NTM: variants seen among roughly 807,000 people sequenced by gnomAD.
The protein encoded by NTM is neurotrimin, also known as IgLON family member 2.
A neutral mutation model predicts 42.1 loss-of-function variants in NTM; 13 were observed. The ratio of observed to expected loss-of-function variants is 0.31; its 90% CI spans 0.20 to 0.49. NTM has a LOEUF of 0.49. Ranked by LOEUF, NTM falls within the 20% of genes least tolerant of loss-of-function variation. The pLI is 0.99. For synonymous variants in NTM, 187 were observed against 179.2 expected, an observed-to-expected ratio of 1.04 and a Z score of -0.35; for missense variants, 373 against 452.8, an observed-to-expected ratio of 0.82 and a Z score of 1.60.
At chr11:132,328,167 G>A (rs2095722884) in intron 7 of NTM, among the ~76,000 whole-genome samples, 1 of 152,142 alleles carries the variant, frequency 6.6e-6, no homozygotes, top group South Asian at 2.1e-4. Context: ...CTTCTCCTTA[G>A]TACCAAAGCA....
chr11:131,682,772 C>T (rs543215571), intron 1 of NTM, among the ~76,000 whole-genome samples: 1 of 152,312 alleles, frequency 6.6e-6, no homozygotes, highest in South Asian at 2.1e-4. Context: ...AATCAGCTCC[C>T]TCTCGGTGCT....
Position 132,320,849 on chromosome 11 carries a change from C to T in NTM, c.934+6146C>T, listed in dbSNP as rs559963655. Among the ~76,000 whole-genome samples, 443 of 151,616 alleles carry T rather than the reference C, an allele frequency of 2.9e-3. 1 individual carries two copies. The highest frequency in any genetic ancestry group is 0.01 in the African/African-American group (418 of 41,144). On this transcript the variant is annotated intron_variant, in intron 7 of 8. Transcript: ENST00000683400. ...GATCTGAGAACGGGCAGACTGCCTCCTCAAGTGGGTCCCTGACCCCTGACC... is the reference window on the plus strand; with the variant it reads ...GATCTGAGAACGGGCAGACTGCCTCTTCAAGTGGGTCCCTGACCCCTGACC...
At chr11:132,179,273 G>A (rs1245656461) in intron 3 of NTM, among the ~76,000 whole-genome samples, 2 of 152,184 alleles carry the variant, frequency 1.3e-5, no homozygotes, top group African/African-American at 4.8e-5. Flanking sequence ...AATTTGTTAT[G>A]TAAAGATTGA....
At chr11:131,407,062 C>G (rs545796496) in intron 1 of NTM, among the ~76,000 whole-genome samples, 14 of 152,154 alleles carry the variant, frequency 9.2e-5, no homozygotes, top group Non-Finnish European at 1.6e-4. Flanking sequence ...ATATTGAAGA[C>G]GCAAGTCTGT....
chr11:131,749,435 A>C (rs892214011), intron 1 of NTM, among the ~76,000 whole-genome samples: 1 of 152,244 alleles, frequency 6.6e-6, no homozygotes, highest in Non-Finnish European at 1.5e-5. Flanking sequence ...AATGCATGTC[A>C]TTATGACATT....
intron 1 of NTM, among the ~76,000 whole-genome samples, chr11:131,745,882 T>G (rs2081757629): frequency 6.6e-6 from 1 of 152,280 alleles, no homozygotes; most frequent in East Asian, 1.9e-4. Flanking sequence ...AAATAAATCC[T>G]TTTCAGTCTG....
intron 2 of NTM, among the ~76,000 whole-genome samples, chr11:131,997,889 G>C (rs576483943): frequency 3.3e-5 from 5 of 152,142 alleles, no homozygotes; most frequent in African/African-American, 4.8e-5. Flanking sequence ...TCAGTGCTTT[G>C]AACTGCTGAA....
intron 2 of NTM, among the ~76,000 whole-genome samples, chr11:131,983,614 A>G (rs1186004166): frequency 5.3e-5 from 8 of 152,054 alleles, no homozygotes; most frequent in African/African-American, 1.9e-4. Context: ...GACCTCAGGT[A>G]ATCTGCCTGC....
rs562840933 is a variant in NTM at position 131,910,793 on chromosome 11, C to T, written c.83-771C>T. The T allele has an allele frequency of 4.9e-4, 476 of 977,746 alleles. 3 individuals are homozygous for T. In the African/African-American group the frequency reaches 7.5e-3, roughly 15 times the overall value. The allele number at this position is 977,746 out of a possible 1,614,324, so 60.6% of individuals were successfully genotyped here. A position where few individuals can be genotyped will look rare whatever the true frequency, so the allele number is the denominator to read the frequency against. ...TCCTCGGCCACCGCCGCAGCCCCTG[C>T]CCCGCCGAGCCCCGCCGGACAGCGG... On this transcript the variant is annotated intron_variant, in intron 1 of 8. Coordinates refer to ENST00000683400, the MANE Select transcript of NTM (RefSeq NM_001352005.2).
chr11:132,063,627 G>A (rs1305207714), intron 2 of NTM, among the ~76,000 whole-genome samples: 1 of 152,184 alleles, frequency 6.6e-6, no homozygotes, highest in South Asian at 2.1e-4. Flanking sequence ...AGTTATTTCA[G>A]ACTTAGACTT....
intron 1 of NTM, among the ~76,000 whole-genome samples, chr11:131,530,168 C>T (rs1187498330): frequency 6.6e-6 from 1 of 152,126 alleles, no homozygotes; most frequent in Non-Finnish European, 1.5e-5. Context: ...ACAGTGTCCC[C>T]TTCATCTGAG....
chr11:131,460,029 G>A (rs1328206689), intron 1 of NTM, among the ~76,000 whole-genome samples: 1 of 152,156 alleles, frequency 6.6e-6, no homozygotes, highest in African/African-American at 2.4e-5. Context: ...AATTTTAGTT[G>A]CCAGAAAGTA....
intron 1 of NTM, among the ~76,000 whole-genome samples, chr11:131,815,100 T>C (rs987381028): frequency 3.9e-5 from 6 of 152,174 alleles, no homozygotes; most frequent in Non-Finnish European, 1.5e-5. Context: ...GTGTGGCTTC[T>C]GTCACCCTCA....
chr11:131,597,216 G>A (rs981020388), intron 1 of NTM, among the ~76,000 whole-genome samples: 1 of 152,140 alleles, frequency 6.6e-6, no homozygotes, highest in Non-Finnish European at 1.5e-5. Flanking sequence ...CACTCAGGTT[G>A]GGCCCTTAGG....
intron 1 of NTM, among the ~76,000 whole-genome samples, chr11:131,692,126 G>A (rs913052323): frequency 3.3e-5 from 5 of 152,154 alleles, no homozygotes; most frequent in Admixed American, 6.5e-5. Flanking sequence ...TTACAACCTC[G>A]GTCTTTCTCT....
intron 2 of NTM, among the ~76,000 whole-genome samples, chr11:132,092,437 C>A (rs2060482791): frequency 6.6e-6 from 1 of 152,190 alleles, no homozygotes; most frequent in African/African-American, 2.4e-5. Context: ...CCCACCTGAC[C>A]TCCTCAAGTC....
At chr11:132,322,953 C>G (rs1466521177) in intron 7 of NTM, among the ~76,000 whole-genome samples, 3 of 141,366 alleles carry the variant, frequency 2.1e-5, no homozygotes, top group Non-Finnish European at 4.7e-5. Flanking sequence ...GAAATGAAGG[C>G]AGAAATAAAG....
chr11:132,000,351 T>G (rs1289205618), intron 2 of NTM, among the ~76,000 whole-genome samples: 1 of 152,248 alleles, frequency 6.6e-6, no homozygotes, highest in Non-Finnish European at 1.5e-5. Context: ...CTTGTCTCTT[T>G]GCAAACGCTC....
At chr11:132,281,721 A>C (rs566153935) in intron 4 of NTM, among the ~76,000 whole-genome samples, 2 of 152,360 alleles carry the variant, frequency 1.3e-5, no homozygotes, top group Non-Finnish European at 2.9e-5. Flanking sequence ...TCAAGCACAG[A>C]CATATTCTTC....
Sources: gnomAD v4.1 joint callset for allele counts (sites outside exome capture counted in the v4.1 genomes callset) on GRCh38, gnomAD v4.1.1 for gene constraint, MANE v1.5 for transcripts, NCBI Gene and HGNC (gene_info 2026-07-23, HGNC 2026-07-21) for gene names.